YBEY: variants seen among roughly 807,000 people sequenced by gnomAD.
The protein encoded by YBEY is endoribonuclease YbeY.
YBEY carries 15 observed loss-of-function variants against 13.5 expected under a neutral mutation model. The ratio of observed to expected loss-of-function variants is 1.11; its 90% CI spans 0.75 to 1.72. The LOEUF (loss-of-function observed/expected upper bound fraction) is 1.72, where lower values mean the gene tolerates loss of function less well. YBEY is among the 40% of genes most tolerant of loss of function. The pLI is 0.00. For missense variants in YBEY, 244 were observed against 208.4 expected (o/e 1.17, Z -1.05); for synonymous variants, 101 against 83.1 (o/e 1.21, Z -1.17).
the YBEY span, among the ~76,000 whole-genome samples, chr21:46,303,383 T>C: frequency 6.6e-6 from 1 of 150,838 alleles, no homozygotes; most frequent in African/African-American, 2.4e-5. Context: ...ACAGACACCA[T>C]GAAGAGAGTG....
intron 2 of YBEY, among the ~76,000 whole-genome samples, chr21:46,291,045 A>C (rs890073781): frequency 6.6e-6 from 1 of 151,216 alleles, no homozygotes; most frequent in Non-Finnish European, 1.5e-5. Flanking sequence ...AGAAATACAA[A>C]AATTAGCTGG....
chr21:46,291,827 C>A, intron 3 of YBEY: 3 of 1,074,284 alleles, frequency 2.8e-6, no homozygotes, highest in Non-Finnish European at 3.4e-6. Context: ...TCTGTTTCTC[C>A]TCAGTGTAAT....
downstream of YBEY, among the ~76,000 whole-genome samples, chr21:46,299,522 CAG>C (rs2082057351): frequency 6.6e-6 from 1 of 152,142 alleles, no homozygotes; most frequent in Non-Finnish European, 1.5e-5. Flanking sequence ...CTTCTGCTCC[CAG>C]AGTCACCCGG....
chr21:46,298,542 G>A (rs945792424), downstream of YBEY, among the ~76,000 whole-genome samples: 1 of 150,048 alleles, frequency 6.7e-6, no homozygotes, highest in Non-Finnish European at 1.5e-5. Flanking sequence ...CCATTCTCCT[G>A]CTTCATCCTC....
chr21:46,299,043 CTTTCT>C (rs1315038294), downstream of YBEY, among the ~76,000 whole-genome samples: 283 of 124,008 alleles, frequency 2.3e-3, no homozygotes, highest in African/African-American at 7.3e-3. Context: ...GTATTTCTTT[CTTTCT>C]TTTTTTTTTT....
chr21:46,303,328 G>C, the YBEY span, among the ~76,000 whole-genome samples: 1 of 151,920 alleles, frequency 6.6e-6, no homozygotes, highest in Non-Finnish European at 1.5e-5. Flanking sequence ...AACAGAGCAA[G>C]ATACTATCTC....
At chr21:46,301,874 C>T (rs1440492833), downstream of YBEY, 32 of 1,328,452 alleles carry the variant, frequency 2.4e-5, no homozygotes, top group Admixed American at 1.5e-4. Context: ...AGTCCACACT[C>T]GCGTAGCCAC....
chr21:46,297,795 G>C, downstream of YBEY: 1 of 1,224,094 alleles, frequency 8.2e-7, no homozygotes, highest in Non-Finnish European at 1.0e-6. Flanking sequence ...AAACGGTTCC[G>C]AGCCGTGGCA....
chr21:46,300,601 C>G (rs916203571), downstream of YBEY: 1 of 1,157,750 alleles, frequency 8.6e-7, no homozygotes, highest in Admixed American at 3.7e-5. Context: ...AGTGTTACTG[C>G]CAGTAGCTGC....
chr21:46,302,530 C>T (rs775425651), downstream of YBEY: 1 of 1,612,664 alleles, frequency 6.2e-7, no homozygotes, highest in South Asian at 1.1e-5. Flanking sequence ...TCTGCAGGAC[C>T]AACTGGTGCA....
At chr21:46,303,708 A>ATAT in the YBEY span, among the ~76,000 whole-genome samples, 84 of 37,130 alleles carry the variant, frequency 2.3e-3, no homozygotes, top group East Asian at 5.9e-3. Context: ...ACACACACAA[A>ATAT]ATATATATAT....
At chr21:46,291,953 T>C (rs868295211) in intron 3 of YBEY, 33 of 592,918 alleles carry the variant, frequency 5.6e-5, no homozygotes, top group African/African-American at 5.2e-4. Flanking sequence ...GCTGGAGTTA[T>C]TATTCAACTC....
intron 4 of YBEY, 65 bp from the exon 5 acceptor site, chr21:46,297,474 C>A: frequency 7.7e-7 from 1 of 1,293,522 alleles, no homozygotes; most frequent in Non-Finnish European, 9.9e-7. Context: ...CCCGAGGAGG[C>A]GACCCCAGAG....
the YBEY span, among the ~76,000 whole-genome samples, chr21:46,308,763 A>T: frequency 2.0e-5 from 3 of 152,172 alleles, no homozygotes; most frequent in African/African-American, 7.2e-5. Context: ...CTCTGCCTTT[A>T]TGAATGGATT....
chr21:46,291,732 A>G (rs995723489), intron 3 of YBEY: 5 of 1,202,010 alleles, frequency 4.2e-6, no homozygotes, highest in Non-Finnish European at 5.2e-6. Context: ...AGAGCAGACT[A>G]TGTTGAGCTA....
At chr21:46,289,360 C>A (rs1415260930) in intron 2 of YBEY, among the ~76,000 whole-genome samples, 1 of 151,664 alleles carries the variant, frequency 6.6e-6, no homozygotes, top group Non-Finnish European at 1.5e-5. Flanking sequence ...TGGGATAGAG[C>A]ATTGCAGTGA....
rs201546744 is a variant in YBEY, at chr21:46,296,280, G to T, written c.408+50G>T. On this transcript the variant is annotated intron_variant, in intron 4 of 4. Coordinates refer to ENST00000397701, the MANE Select transcript of YBEY (RefSeq NM_001314025.2). ...CCGAGGGGGTGCGTGGGGGAAGGAGGCTCCCCCAGGCCCCTGCCAGCCCCC... is the reference window on the plus strand; with the variant it reads ...CCGAGGGGGTGCGTGGGGGAAGGAGTCTCCCCCAGGCCCCTGCCAGCCCCC... 17 of 1,601,416 alleles carry T rather than the reference G, an allele frequency of 1.1e-5. No homozygotes were observed. The East Asian group carries it at 3.8e-4, about 36-fold the overall frequency.
intron 3 of YBEY, among the ~76,000 whole-genome samples, chr21:46,294,888 C>A (rs1007795525): frequency 6.6e-6 from 1 of 152,224 alleles, no homozygotes; most frequent in African/African-American, 2.4e-5. Flanking sequence ...ATCTGTGTGG[C>A]TTGAGGCAGA....
At chr21:46,292,587 C>CTT (rs1569098934) in intron 3 of YBEY, among the ~76,000 whole-genome samples, 8,895 of 104,020 alleles carry the variant, frequency 0.086, 277 homozygotes, top group African/African-American at 0.13. Context: ...ATTCCTCCCG[C>CTT]GGTTAGCCTG....
Sources: allele counts gnomAD v4.1 joint callset (sites outside exome capture counted in the v4.1 genomes callset), GRCh38; gene constraint gnomAD v4.1.1; transcripts MANE v1.5; gene names NCBI Gene and HGNC (gene_info 2026-07-23, HGNC 2026-07-21).